Variants in ANKH observed in about 807,000 individuals in gnomAD.
The protein encoded by ANKH is mineralization regulator ANKH.
Under a neutral mutation model 49.0 loss-of-function variants are expected in ANKH, and 15 were observed. That is an observed-to-expected ratio of 0.31 (90% CI 0.20 to 0.47). The LOEUF (loss-of-function observed/expected upper bound fraction) is 0.47, where lower values mean the gene tolerates loss of function less well. ANKH is among the 20% of genes least tolerant of loss of function. ANKH has a pLI of 1.00. For missense variants in ANKH, 429 were observed against 652.0 expected (o/e 0.66, Z 3.72); for synonymous variants, 273 against 260.0 (o/e 1.05, Z -0.48).
chr5:14,770,758 G>C lies in ANKH; in HGVS notation c.97-1567C>G, dbSNP rs554104000. Among the ~76,000 whole-genome samples, 1 of 152,202 alleles carries C rather than the reference G, an allele frequency of 6.6e-6. No individual in the cohort carries two copies. Among genetic ancestry groups the C allele is most frequent in the Non-Finnish European group, 1.5e-5 (1 of 68,028 alleles). ...TGTAACCATGGATAGTAAAACTGTG[G>C]ATAGGGGTGACTAGTGTAATGTAGT... On this transcript the variant is annotated intron_variant, in intron 1 of 11. Coordinates refer to ENST00000284268, the MANE Select transcript of ANKH (RefSeq NM_054027.6). This position sits in a 1 kb window ranked among gnomAD's most constrained non-coding sequence, Gnocchi z 4.1.
chr5:14,826,794 A>G (rs1741354820), intron 1 of ANKH, among the ~76,000 whole-genome samples: 1 of 152,178 alleles, frequency 6.6e-6, no homozygotes, highest in African/African-American at 2.4e-5. Flanking sequence ...CCATAAACCA[A>G]AGTCAAAACC....
chr5:14,726,437 T>C (rs1185997048), intron 8 of ANKH, among the ~76,000 whole-genome samples: 2 of 152,082 alleles, frequency 1.3e-5, no homozygotes, highest in Non-Finnish European at 2.9e-5. Context: ...GGGGAAGGGC[T>C]GAATCAAGGA....
chr5:14,741,641 T>G, intron 8 of ANKH, 186 bp downstream of exon 8: 1 of 589,764 alleles, frequency 1.7e-6, no homozygotes. Context: ...CCTTTATTCC[T>G]AGACTCAAGG....
At chr5:14,806,710 A>G (rs879347261) in intron 1 of ANKH, among the ~76,000 whole-genome samples, 1 of 152,128 alleles carries the variant, frequency 6.6e-6, no homozygotes, top group Admixed American at 6.5e-5. Context: ...ATTACGTGTG[A>G]TCTGTCCTTA....
At chr5:14,792,043 T>C (rs1740184595) in intron 1 of ANKH, among the ~76,000 whole-genome samples, 2 of 152,148 alleles carry the variant, frequency 1.3e-5, no homozygotes, top group Admixed American at 6.5e-5. Flanking sequence ...AAGCTGCCTG[T>C]GCTGAAGATG....
chr5:14,836,031 C>A (rs1262977256), intron 1 of ANKH, among the ~76,000 whole-genome samples: 3 of 152,122 alleles, frequency 2.0e-5, no homozygotes, highest in African/African-American at 7.2e-5. Flanking sequence ...TGATTATCTC[C>A]ATAGCTGCAG....
At position 14,852,890 on chromosome 5, in the gene ANKH, C is replaced by T. The variant is rs116681506; in HGVS notation, c.96+18462G>A. Among the ~76,000 whole-genome samples the T allele has an allele frequency of 4.0e-3, 604 of 152,202 alleles. 3 individuals are homozygous for T. The highest frequency in any genetic ancestry group is 0.014 in the African/African-American group (589 of 41,512). ...ATCCTGCAGAAGATCTAGCCTCACC[C>T]AGGAGAATTCATTCCCATCACACCC... On this transcript the variant is annotated intron_variant, in intron 1 of 11. Transcript: ENST00000284268.
At chr5:14,773,907 A>G (rs1193777566) in intron 1 of ANKH, among the ~76,000 whole-genome samples, 1 of 152,252 alleles carries the variant, frequency 6.6e-6, no homozygotes, top group African/African-American at 2.4e-5. Context: ...ATTTTTAAAG[A>G]AACACTTCTT....
chr5:14,743,610 G>A (rs1738435318), intron 7 of ANKH, among the ~76,000 whole-genome samples: 2 of 152,170 alleles, frequency 1.3e-5, no homozygotes, highest in African/African-American at 4.8e-5. Flanking sequence ...TCTGATTCTG[G>A]AGCCCACAAA....
chr5:14,789,670 T>C (rs751114465), intron 1 of ANKH, among the ~76,000 whole-genome samples: 3 of 152,208 alleles, frequency 2.0e-5, no homozygotes, highest in Non-Finnish European at 2.9e-5. Flanking sequence ...AACTGTACTT[T>C]AAGAATAAAA....
chr5:14,800,155 A>G (rs778360304), intron 1 of ANKH, among the ~76,000 whole-genome samples: 34 of 152,228 alleles, frequency 2.2e-4, no homozygotes, highest in Non-Finnish European at 4.3e-4. Flanking sequence ...TTAGAAGTAG[A>G]GCATGAAGAC....
chr5:14,860,352 G>GA (rs1580123231), intron 1 of ANKH, among the ~76,000 whole-genome samples: 1 of 152,190 alleles, frequency 6.6e-6, no homozygotes. Flanking sequence ...ACGAAGAGCT[G>GA]AAAGTTACTG....
At chr5:14,857,650 T>A (rs191554703) in intron 1 of ANKH, among the ~76,000 whole-genome samples, 8 of 151,732 alleles carry the variant, frequency 5.3e-5, no homozygotes, top group Middle Eastern at 3.4e-3. Context: ...AGAGACTCCA[T>A]CTCAAAAAAA....
At chr5:14,723,909 C>T (rs1293533541) in intron 8 of ANKH, among the ~76,000 whole-genome samples, 1 of 152,228 alleles carries the variant, frequency 6.6e-6, no homozygotes, top group Non-Finnish European at 1.5e-5. Flanking sequence ...CACTGGGCTG[C>T]AGCTTTTTTA....
At chr5:14,786,794 C>T (rs1739991592) in intron 1 of ANKH, among the ~76,000 whole-genome samples, 1 of 152,094 alleles carries the variant, frequency 6.6e-6, no homozygotes, top group Admixed American at 6.5e-5. Flanking sequence ...GTGACAACTC[C>T]TTGACCCAGT....
At chr5:14,861,633 C>T (rs772660473) in intron 1 of ANKH, among the ~76,000 whole-genome samples, 2 of 152,166 alleles carry the variant, frequency 1.3e-5, no homozygotes, top group Non-Finnish European at 2.9e-5. Flanking sequence ...CCTCCTCTGT[C>T]CCCCAGGCTG....
chr5:14,863,720 A>G (rs552841649), intron 1 of ANKH, among the ~76,000 whole-genome samples: 54 of 152,134 alleles, frequency 3.5e-4, no homozygotes, highest in South Asian at 2.7e-3. Flanking sequence ...CTATATCAGG[A>G]GCTTAAAGAG....
chr5:14,818,648 A>T (rs1741112342), intron 1 of ANKH, among the ~76,000 whole-genome samples: 1 of 96,062 alleles, frequency 1.0e-5, no homozygotes, highest in Admixed American at 9.9e-5. Flanking sequence ...CCATCTCAAA[A>T]AAAAAAAAAA....
intron 9 of ANKH, among the ~76,000 whole-genome samples, chr5:14,714,216 C>T (rs1736336949): frequency 6.6e-6 from 1 of 152,246 alleles, no homozygotes; most frequent in Admixed American, 6.5e-5. Flanking sequence ...TTCCCTTTCT[C>T]CCTCCTAATG....
Sources: gnomAD v4.1 joint callset for allele counts (sites outside exome capture counted in the v4.1 genomes callset) on GRCh38, gnomAD v4.1.1 for gene constraint, Gnocchi (gnomAD v3.1) non-coding constraint, MANE v1.5 for transcripts, NCBI Gene and HGNC (gene_info 2026-07-23, HGNC 2026-07-21) for gene names.